The following PDE3B variants were observed in gnomAD, a reference collection of about 807,000 sequenced individuals.
PDE3B encodes the protein cGMP-inhibited 3',5'-cyclic phosphodiesterase 3B.
A neutral mutation model predicts 116.8 loss-of-function variants in PDE3B; 66 were observed. The observed-to-expected ratio is 0.56, with a 90% CI of 0.46 to 0.69. The LOEUF (loss-of-function observed/expected upper bound fraction) is 0.69. PDE3B is among the 30% of genes least tolerant of loss of function. The probability of loss-of-function intolerance (pLI) is 0.00; values close to 1 mark genes in which losing one functional copy is unlikely to be tolerated. For synonymous variants in PDE3B, 595 were observed against 533.6 expected, an observed-to-expected ratio of 1.12 and a Z score of -1.59; for missense variants, 1,384 against 1,368.1, an observed-to-expected ratio of 1.01 and a Z score of -0.18.
chr11:14,853,613 T>G (rs2133984726), intron 12 of PDE3B, among the ~76,000 whole-genome samples: 1 of 152,358 alleles, frequency 6.6e-6, no homozygotes, highest in South Asian at 2.1e-4. Flanking sequence ...CCATAATTAA[T>G]GAAAGATATT....
intron 1 of PDE3B, among the ~76,000 whole-genome samples, chr11:14,735,505 C>T (rs1856571242): frequency 6.6e-6 from 1 of 152,092 alleles, no homozygotes; most frequent in South Asian, 2.1e-4. Context: ...GGGATATTCT[C>T]CAGAACGAAA....
chr11:14,789,614 T>C (rs1858322084), intron 4 of PDE3B, among the ~76,000 whole-genome samples: 1 of 152,056 alleles, frequency 6.6e-6, no homozygotes, highest in African/African-American at 2.4e-5. Context: ...GCAGAATTAC[T>C]GACTTCTGAA....
intron 1 of PDE3B, among the ~76,000 whole-genome samples, chr11:14,721,600 A>C (rs1856086240): frequency 6.6e-6 from 1 of 150,700 alleles, no homozygotes; most frequent in East Asian, 1.9e-4. Context: ...AGCCATAAAA[A>C]AGGATGAGTT....
intron 1 of PDE3B, among the ~76,000 whole-genome samples, chr11:14,734,777 A>G (rs1176596067): frequency 1.3e-5 from 2 of 152,076 alleles, no homozygotes; most frequent in South Asian, 2.1e-4. Context: ...ACATTTTGCT[A>G]TATCTCCTCT....
chr11:14,735,439 A>G (rs1359072911), intron 1 of PDE3B, among the ~76,000 whole-genome samples: 1 of 152,200 alleles, frequency 6.6e-6, no homozygotes. Context: ...TGATTACAAG[A>G]TATATCCTAT....
the PDE3B span, chr11:14,879,448 C>T: frequency 6.3e-7 from 1 of 1,594,952 alleles, no homozygotes; most frequent in Admixed American, 1.7e-5. Flanking sequence ...CTTGTCCTGT[C>T]AGAGAAAAAG....
chr11:14,657,879 G>A (rs989111364), intron 1 of PDE3B, among the ~76,000 whole-genome samples: 4 of 152,192 alleles, frequency 2.6e-5, no homozygotes, highest in African/African-American at 2.4e-5. Context: ...AGTGACAGAT[G>A]AGATATCAGA....
At position 14,867,534 on chromosome 11, in the gene PDE3B, C is replaced by T; in HGVS notation, c.2915C>T (p.Pro972Leu). Residue 972 changes from proline (P) to leucine (L), a missense_variant, in exon 15 of 16, where the codon CCC (proline) becomes CTC (leucine). This residue lies in a region of PDE3B where 428 missense variants were observed against 561.4 expected (regional missense o/e 0.76). Coordinates refer to ENST00000282096, the MANE Select transcript of PDE3B (RefSeq NM_000922.4). Reference sequence around the variant, plus strand: ...GATGAAGAAGCAAATCTTGGTCTGCCCATCAGTCCATTCATGGATCGTTCT... The same window carrying T: ...GATGAAGAAGCAAATCTTGGTCTGCTCATCAGTCCATTCATGGATCGTTCT... ...QGDEEANLGL[P>L]ISPFMDRSSP... is the part of the protein sequence containing the mutation. 2 of 1,613,706 alleles carry T rather than the reference C, an allele frequency of 1.2e-6. No individual in the cohort carries two copies. Among genetic ancestry groups the T allele is most frequent in the Non-Finnish European group, 1.7e-6 (2 of 1,179,788 alleles).
At chr11:14,799,022 T>G (rs1858656716) in intron 4 of PDE3B, among the ~76,000 whole-genome samples, 1 of 152,204 alleles carries the variant, frequency 6.6e-6, no homozygotes, top group Admixed American at 6.5e-5. Flanking sequence ...AATTGTGATG[T>G]TAGGGTGTCA....
chr11:14,760,675 T>A (rs1857335661), intron 1 of PDE3B, among the ~76,000 whole-genome samples: 1 of 152,286 alleles, frequency 6.6e-6, no homozygotes, highest in African/African-American at 2.4e-5. Context: ...ATGCAAAAAG[T>A]GGAAACAGTC....
rs111728317 is a variant in PDE3B, at chr11:14,647,257, A to G, written c.978+2204A>G. ...GTGAAGGAAGATGAAAAGATTTTAG[A>G]TGGGACCTGACATAGGAGAAAATGT... On this transcript the variant is annotated intron_variant, in intron 1 of 15. Transcript: ENST00000282096. 5.0e-3 allele frequency among the ~76,000 whole-genome samples: 764 copies of G among 152,150 alleles called. 9 individuals are homozygous for G. Among genetic ancestry groups the G allele is most frequent in the African/African-American group, 0.018 (738 of 41,556 alleles).
chr11:14,715,314 G>T (rs985308138), intron 1 of PDE3B, among the ~76,000 whole-genome samples: 1 of 152,152 alleles, frequency 6.6e-6, no homozygotes, highest in South Asian at 2.1e-4. Flanking sequence ...TTGGTAGCTT[G>T]ATGGGGATGG....
intron 8 of PDE3B, 118 bp downstream of exon 8, chr11:14,830,964 T>A: frequency 3.9e-6 from 2 of 513,592 alleles, no homozygotes; most frequent in Middle Eastern, 5.9e-4. Flanking sequence ...TTAATTTTTT[T>A]ACTTATAAGT....
intron 1 of PDE3B, among the ~76,000 whole-genome samples, chr11:14,703,426 T>C (rs1855431682): frequency 6.6e-6 from 1 of 151,632 alleles, no homozygotes; most frequent in Non-Finnish European, 1.5e-5. Context: ...TCTTTTTTTT[T>C]TTAATACCAG....
chr11:14,793,975 G>A (rs1858469906), intron 4 of PDE3B, among the ~76,000 whole-genome samples: 1 of 152,150 alleles, frequency 6.6e-6, no homozygotes, highest in Non-Finnish European at 1.5e-5. Flanking sequence ...GACATCTACA[G>A]TTATCAAGTT....
chr11:14,721,656 C>T (rs1381597683), intron 1 of PDE3B, among the ~76,000 whole-genome samples: 21 of 139,476 alleles, frequency 1.5e-4, no homozygotes, highest in South Asian at 2.4e-4. Context: ...CCATCATTCT[C>T]AGTAAACTAT....
chr11:14,741,357 G>A (rs746261606), intron 1 of PDE3B, among the ~76,000 whole-genome samples: 2 of 152,028 alleles, frequency 1.3e-5, no homozygotes, highest in African/African-American at 4.8e-5. Flanking sequence ...ATTATGTAAT[G>A]CCCTTCTTTG....
the PDE3B span, among the ~76,000 whole-genome samples, chr11:14,897,592 G>A: frequency 6.6e-6 from 1 of 152,176 alleles, no homozygotes. Context: ...CAACAACTTT[G>A]AAAATTATCT....
chr11:14,678,856 T>G lies in PDE3B; in HGVS notation c.978+33803T>G, dbSNP rs146527789. Among the ~76,000 whole-genome samples the G allele has an allele frequency of 2.9e-3, 443 of 152,308 alleles. 4 individuals carry two copies. The highest frequency in any genetic ancestry group is 9.9e-3 in the African/African-American group (410 of 41,572). On this transcript the variant is annotated intron_variant, in intron 1 of 15. Coordinates refer to ENST00000282096, the MANE Select transcript of PDE3B (RefSeq NM_000922.4). ...CAGGACATGTATATTTTTTCTTATG[T>G]TTTCTTATAAATCTTATAAAAATTT...
Sources: allele counts gnomAD v4.1 joint callset (sites outside exome capture counted in the v4.1 genomes callset), GRCh38; gene constraint gnomAD v4.1.1; regional missense constraint gnomAD v4.1.1; transcripts MANE v1.5; gene names NCBI Gene and HGNC (gene_info 2026-07-23, HGNC 2026-07-21).